NDUFB2: variants seen among roughly 807,000 people sequenced by gnomAD.
NDUFB2 encodes the protein NADH dehydrogenase [ubiquinone] 1 beta subcomplex subunit 2, mitochondrial.
Under a neutral mutation model 13.4 loss-of-function variants are expected in NDUFB2, and 13 were observed. The ratio of observed to expected loss-of-function variants is 0.97; its 90% confidence interval spans 0.63 to 1.54. NDUFB2 has a LOEUF of 1.54. NDUFB2 is among the 40% of genes most tolerant of loss of function. The pLI, the probability that NDUFB2 is intolerant of heterozygous loss-of-function variation, is 0.00. For synonymous variants in NDUFB2, 47 were observed against 50.6 expected (o/e 0.93, Z 0.30); for missense variants, 150 against 139.7 (o/e 1.07, Z -0.37).
At chr7:140,697,992 T>C (rs1267673) in intron 1 of NDUFB2, 409,183 of 1,287,082 alleles carry the variant, frequency 0.32, 76,241 homozygotes, top group African/African-American at 0.84. Context: ...GCCACTGCGC[T>C]TGGTCTCACT....
rs578101778 is a variant in NDUFB2 at position 140,704,759 on chromosome 7, A to G, written c.244-101A>G. ...TTCCTGTGGTCAGGGGCTGAGCCAT[A>G]TTGTTTTTTTTTTTTTCTTTCCAAG... On this transcript the variant is annotated intron_variant, in intron 2 of 3. Coordinates refer to ENST00000247866, the MANE Select transcript of NDUFB2 (RefSeq NM_004546.3). 404 of 780,512 alleles carry G rather than the reference A, an allele frequency of 5.2e-4. 2 individuals carry two copies. The East Asian group carries it at 9.9e-3, about 19-fold the overall frequency. 48.3% of individuals were successfully genotyped at this position (780,512 alleles called of 1,614,324 possible). A position where few individuals can be genotyped will look rare whatever the true frequency, so the allele number is the denominator to read the frequency against.
At position 140,702,863 on chromosome 7, in the gene NDUFB2, C is replaced by T; in HGVS notation, c.99-3C>T. On this transcript the variant is annotated splice_polypyrimidine_tract_variant and splice_region_variant and intron_variant, in intron 1 of 3. Coordinates refer to ENST00000247866, the MANE Select transcript of NDUFB2 (RefSeq NM_004546.3). ...CTGTCTGCCATGTTGTTTTGTCTTG[C>T]AGTGCCGGTGGTGGTGTGCACATTG... 3 of 1,613,902 alleles carry T rather than the reference C, an allele frequency of 1.9e-6. No homozygotes were observed. Among genetic ancestry groups the T allele is most frequent in the Non-Finnish European group, 2.5e-6 (3 of 1,179,924 alleles).
chr7:140,703,440 AT>A (rs1312341832), intron 2 of NDUFB2, among the ~76,000 whole-genome samples: 2 of 151,430 alleles, frequency 1.3e-5, no homozygotes, highest in Non-Finnish European at 2.9e-5. Context: ...ACGCCGGCTA[AT>A]TTTTTTTGTT....
chr7:140,698,131 G>A, intron 1 of NDUFB2: 1 of 1,351,880 alleles, frequency 7.4e-7, no homozygotes. Flanking sequence ...CATGGATGAA[G>A]AATCTGGAGC....
In NDUFB2 at chr7:140,704,868, T is replaced by C. The variant is rs927604391; in HGVS notation, c.252T>C (p.Phe84=). The C allele has an allele frequency of 6.3e-7, 1 of 1,591,376 alleles. No homozygotes were observed. Among genetic ancestry groups the C allele is most frequent in the African/African-American group, 1.4e-5 (1 of 73,466 alleles). The change falls in exon 3 of 4, where the codon TTT becomes TTC. Residue 84 remains phenylalanine, a synonymous_variant. Coordinates refer to ENST00000247866, the MANE Select transcript of NDUFB2 (RefSeq NM_004546.3). ...TAAATGGTTGTCACCAGGGTCACTT[T>C]CCGTATCCTGATCCTTCCCAGTGGA... ...WHDSEEVLGH[F]PYPDPSQWTD...
chr7:140,703,051 G>T, intron 2 of NDUFB2, 41 bp downstream of exon 2: 1 of 1,606,048 alleles, frequency 6.2e-7, no homozygotes, highest in Non-Finnish European at 8.5e-7. Context: ...TTTGGGTGGG[G>T]GAGGGAGGAT....
At chr7:140,699,239 G>T (rs1041822305) in intron 1 of NDUFB2, among the ~76,000 whole-genome samples, 4 of 152,176 alleles carry the variant, frequency 2.6e-5, no homozygotes, top group Non-Finnish European at 2.9e-5. Context: ...ATTTGAAGTT[G>T]GAACAGCCAT....
rs776316983 is a variant in NDUFB2 at position 140,696,726 on chromosome 7, G to C, written c.-19G>C. ...CAGGGGCGAGGCGGCTGGGGACCGC[G>C]GGGCGGACGGGAGCGAGTATGTCCG... On this transcript the variant is annotated 5_prime_UTR_variant, in exon 1 of 4. Coordinates refer to ENST00000247866, the MANE Select transcript of NDUFB2 (RefSeq NM_004546.3). 6 of 1,569,878 alleles carry C rather than the reference G, an allele frequency of 3.8e-6. No individual in the cohort carries two copies. Among genetic ancestry groups the C allele is most frequent in the African/African-American group, 1.4e-5 (1 of 73,744 alleles).
intron 2 of NDUFB2, among the ~76,000 whole-genome samples, chr7:140,704,292 G>A (rs1238235173): frequency 1.3e-5 from 2 of 152,168 alleles, no homozygotes; most frequent in Non-Finnish European, 2.9e-5. Context: ...ACTTCTCTGT[G>A]CCGTTGTCCT....
Position 140,704,885 on chromosome 7 carries a change from C to G in NDUFB2, c.269C>G (p.Ser90Cys). The change falls in exon 3 of 4, where the codon TCC becomes TGC. Residue 90 changes from serine (S) to cysteine (C), a missense_variant. Ser to Cys is a moderately radical substitution (Grantham distance 112). Transcript: ENST00000247866. ...VLGHFPYPDP[S>C]QWTDEELGIP... ...GGTCACTTTCCGTATCCTGATCCTT[C>G]CCAGTGGACAGATGAAGAATTAGGT... The G allele has an allele frequency of 6.2e-7, 1 of 1,601,282 alleles. No individual in the cohort carries two copies. The highest frequency in any genetic ancestry group is 1.7e-4 in the Middle Eastern group (1 of 6,004).
At chr7:140,697,011 C>T in intron 1 of NDUFB2, 169 bp downstream of exon 1, 2 of 646,820 alleles carry the variant, frequency 3.1e-6, no homozygotes, top group South Asian at 1.9e-5. Flanking sequence ...AGGGACCCCG[C>T]TGGCCGGAGG....
intron 1 of NDUFB2, among the ~76,000 whole-genome samples, chr7:140,701,597 G>A (rs780671865): frequency 1.1e-4 from 17 of 151,744 alleles, no homozygotes; most frequent in Admixed American, 6.6e-4. Flanking sequence ...CTAAGGTCAC[G>A]CCACTGCACT....
At chr7:140,703,774 G>T (rs539358168) in intron 2 of NDUFB2, among the ~76,000 whole-genome samples, 20 of 152,044 alleles carry the variant, frequency 1.3e-4, no homozygotes, top group African/African-American at 4.8e-4. Context: ...ATTTATTTTT[G>T]AGATGGAGTC....
intron 1 of NDUFB2, chr7:140,700,660 A>C (rs1794884768): frequency 6.6e-6 from 1 of 151,818 alleles, no homozygotes; most frequent in African/African-American, 2.4e-5. Context: ...ATGGTGGCAC[A>C]TGCCTGTAAT....
intron 3 of NDUFB2, 131 bp from the exon 4 acceptor site, chr7:140,706,432 G>A (rs1394878130): frequency 6.6e-6 from 1 of 151,946 alleles, no homozygotes; most frequent in Non-Finnish European, 1.5e-5. Flanking sequence ...GGGTGATTTT[G>A]CTTCTCTTGT....
intron 1 of NDUFB2, 44 bp downstream of exon 1, chr7:140,696,886 G>T: frequency 6.5e-7 from 1 of 1,539,574 alleles, no homozygotes; most frequent in Non-Finnish European, 8.8e-7. Flanking sequence ...GCCTGTAGCG[G>T]ACAGCGCGGG....
intron 1 of NDUFB2, among the ~76,000 whole-genome samples, chr7:140,698,778 G>A (rs1310886094): frequency 6.6e-6 from 1 of 152,166 alleles, no homozygotes; most frequent in Non-Finnish European, 1.5e-5. Flanking sequence ...GGGGGCTTTG[G>A]AGGACTCGGA....
At chr7:140,702,379 C>T in intron 1 of NDUFB2, 1 of 272,554 alleles carries the variant, frequency 3.7e-6, no homozygotes, top group Non-Finnish European at 6.9e-6. Flanking sequence ...GTTTAAAGTT[C>T]TTTGTTCAGA....
chr7:140,697,343 ACT>A (rs1263946425), intron 1 of NDUFB2: 1 of 702,760 alleles, frequency 1.4e-6, no homozygotes, highest in Admixed American at 2.0e-5. Flanking sequence ...CTGAAAAATC[ACT>A]CTGGCTGCAG....
Sources: allele counts gnomAD v4.1 joint callset (sites outside exome capture counted in the v4.1 genomes callset), GRCh38; gene constraint gnomAD v4.1.1; transcripts MANE v1.5; gene names NCBI Gene and HGNC (gene_info 2026-07-23, HGNC 2026-07-21).